Variants in EBF2 observed in about 807,000 individuals in gnomAD.
EBF2 encodes EBF transcription factor 2.
A neutral mutation model predicts 72.8 loss-of-function variants in EBF2; 21 were observed. The ratio of observed to expected loss-of-function variants is 0.29; its 90% confidence interval spans 0.20 to 0.42. The LOEUF is 0.42. Ranked by LOEUF, EBF2 falls within the 10% of genes least tolerant of loss-of-function variation. The pLI, the probability that EBF2 is intolerant of heterozygous loss-of-function variation, is 1.00. For missense variants in EBF2, 637 were observed against 731.2 expected (o/e 0.87, Z 1.49); for synonymous variants, 299 against 274.2 (o/e 1.09, Z -0.89).
chr8:25,894,205 G>C (rs1032817652), intron 7 of EBF2, among the ~76,000 whole-genome samples: 5 of 152,156 alleles, frequency 3.3e-5, no homozygotes, highest in African/African-American at 1.2e-4. Context: ...CTTAAATACT[G>C]ACTTTTACAT....
At chr8:26,040,477 T>C in intron 4 of EBF2, 139 bp downstream of exon 4, 1 of 716,542 alleles carries the variant, frequency 1.4e-6, no homozygotes, top group Non-Finnish European at 2.2e-6. Context: ...GCAGACAAGG[T>C]GCTGGGAGGG....
chr8:26,023,347 T>A (rs1049277375), intron 6 of EBF2, among the ~76,000 whole-genome samples: 4 of 152,232 alleles, frequency 2.6e-5, no homozygotes, highest in African/African-American at 9.6e-5. Context: ...AGTACTGTTC[T>A]TCTGCTCCTT....
chr8:25,988,262 C>G (rs143013870), intron 6 of EBF2, among the ~76,000 whole-genome samples: 1 of 152,198 alleles, frequency 6.6e-6, no homozygotes, highest in Admixed American at 6.5e-5. Context: ...GACAAGCAGA[C>G]AAGCTTTGAT....
chr8:25,861,632 T>C (rs947566446), intron 11 of EBF2, among the ~76,000 whole-genome samples: 3 of 152,178 alleles, frequency 2.0e-5, no homozygotes, highest in African/African-American at 4.8e-5. Context: ...AACAACCCAA[T>C]TGAGAGTATA....
intron 3 of EBF2, 60 bp from the exon 4 acceptor site, chr8:26,040,731 C>A (rs1407197895): frequency 1.3e-6 from 2 of 1,538,282 alleles, no homozygotes; most frequent in Non-Finnish European, 1.8e-6. Context: ...GCACCCCAAA[C>A]CCTTCTCTGC....
chr8:25,903,187 G>GTTTT (rs542446501), intron 7 of EBF2, among the ~76,000 whole-genome samples: 4 of 132,510 alleles, frequency 3.0e-5, no homozygotes, highest in Admixed American at 7.7e-5. Context: ...TTTTGTCTGG[G>GTTTT]TTTTTTTTTT....
rs118057369 is a variant in EBF2, at chr8:26,013,888, G to T, written c.551+19197C>A. Among the ~76,000 whole-genome samples the T allele has an allele frequency of 2.0e-3, 307 of 152,214 alleles. 4 individuals carry two copies. The East Asian group carries it at 0.05, about 25-fold the overall frequency. On this transcript the variant is annotated intron_variant, in intron 6 of 15. Transcript: ENST00000520164. The stretch of plus-strand genomic sequence containing the variant: ...GTATCAGAGGCAGCATCCGGATATT[G>T]CTATAACACCTTCCCAAACCATCAG...
intron 6 of EBF2, among the ~76,000 whole-genome samples, chr8:25,946,171 A>G (rs1175810051): frequency 6.6e-6 from 1 of 152,232 alleles, no homozygotes; most frequent in African/African-American, 2.4e-5. Context: ...CAAATCTCCT[A>G]TGCCTTTCTC....
At chr8:25,975,566 A>T (rs184176250) in intron 6 of EBF2, among the ~76,000 whole-genome samples, 2 of 152,334 alleles carry the variant, frequency 1.3e-5, no homozygotes, top group East Asian at 1.9e-4. Context: ...ATTAAATGAA[A>T]TATTTGAAAT....
At position 25,866,921 on chromosome 8, in the gene EBF2, C is replaced by CG. The variant is rs1195245971; in HGVS notation, c.1010-4125dup. On this transcript the variant is annotated intron_variant, in intron 10 of 15. Transcript: ENST00000520164. Reference sequence around the variant, plus strand: ...CGCTGGGATTACAGACATGAGCTACCGCGCCTGGCCTATATTTTATATTTT... The same window carrying CG: ...CGCTGGGATTACAGACATGAGCTACCGGCGCCTGGCCTATATTTTATATTTT... Among the ~76,000 whole-genome samples, 5 of 151,918 alleles carry CG rather than the reference C, an allele frequency of 3.3e-5. No individual in the cohort carries two copies. The East Asian group carries it at 9.7e-4, about 29-fold the overall frequency.
intron 6 of EBF2, among the ~76,000 whole-genome samples, chr8:25,909,114 T>C (rs966303068): frequency 1.3e-5 from 2 of 152,206 alleles, no homozygotes; most frequent in Non-Finnish European, 2.9e-5. Flanking sequence ...TTATGATTAA[T>C]AAGAAGTGTG....
At chr8:25,937,564 G>A (rs563665069) in intron 6 of EBF2, among the ~76,000 whole-genome samples, 1 of 152,274 alleles carries the variant, frequency 6.6e-6, no homozygotes, top group East Asian at 1.9e-4. Flanking sequence ...TGGGCGATGG[G>A]GCGGGGGAGA....
chr8:26,000,794 G>A (rs953835462), intron 6 of EBF2, among the ~76,000 whole-genome samples: 2 of 152,176 alleles, frequency 1.3e-5, no homozygotes, highest in Non-Finnish European at 2.9e-5. Context: ...ACATTAGCCA[G>A]GCGTTTGTTC....
At chr8:26,041,701 C>T (rs1053012362) in intron 2 of EBF2, among the ~76,000 whole-genome samples, 14 of 152,170 alleles carry the variant, frequency 9.2e-5, no homozygotes, top group African/African-American at 1.4e-4. Context: ...GCTGGGCTGC[C>T]GGTTTCCACT....
chr8:26,040,213 G>T, intron 4 of EBF2, 112 bp from the exon 5 acceptor site: 4 of 1,160,268 alleles, frequency 3.4e-6, no homozygotes, highest in Non-Finnish European at 2.5e-6. Flanking sequence ...ACCTGCCACC[G>T]CATTAGGAAT....
chr8:25,935,273 G>T (rs6988242), intron 6 of EBF2, among the ~76,000 whole-genome samples: 104,226 of 151,886 alleles, frequency 0.69, 36,017 homozygotes, highest in East Asian at 0.8. Flanking sequence ...GGGGGGAAAA[G>T]CAAGTCACTT....
At chr8:25,900,459 T>TA (rs11377581) in intron 7 of EBF2, among the ~76,000 whole-genome samples, 86,714 of 151,674 alleles carry the variant, frequency 0.57, 25,145 homozygotes, top group East Asian at 0.75. Context: ...ACCCTGTCTG[T>TA]AAAAAAAGAA....
intron 1 of EBF2, among the ~76,000 whole-genome samples, chr8:26,043,058 C>T (rs1585239459): frequency 6.6e-6 from 1 of 152,234 alleles, no homozygotes; most frequent in African/African-American, 2.4e-5. Flanking sequence ...GCGATCCCCA[C>T]TCATGCTGCG....
chr8:25,938,818 T>A (rs573166233), intron 6 of EBF2, among the ~76,000 whole-genome samples: 9 of 152,088 alleles, frequency 5.9e-5, no homozygotes, highest in African/African-American at 1.9e-4. Context: ...ACTTGGAAAA[T>A]ATGGCTGGTA....
Sources: gnomAD v4.1 joint callset for allele counts (sites outside exome capture counted in the v4.1 genomes callset) on GRCh38, gnomAD v4.1.1 for gene constraint, MANE v1.5 for transcripts, NCBI Gene and HGNC (gene_info 2026-07-23, HGNC 2026-07-21) for gene names.